Variants in SLC3A2 observed in about 807,000 individuals in gnomAD.
SLC3A2 encodes amino acid transporter heavy chain SLC3A2.
A neutral mutation model predicts 48.5 loss-of-function variants in SLC3A2; 32 were observed. The observed-to-expected ratio is 0.66, with a 90% CI of 0.50 to 0.89. SLC3A2 has a LOEUF of 0.89. SLC3A2 is among the 40% of genes least tolerant of loss of function. The probability of loss-of-function intolerance (pLI) is 0.00; values close to 1 mark genes in which losing one functional copy is unlikely to be tolerated. For synonymous variants in SLC3A2, 277 were observed against 288.8 expected (o/e 0.96, Z 0.41); for missense variants, 587 against 680.7 (o/e 0.86, Z 1.53).
intron 1 of SLC3A2, among the ~76,000 whole-genome samples, chr11:62,867,972 A>G (rs2085471473): frequency 6.6e-6 from 1 of 151,886 alleles, no homozygotes; most frequent in Non-Finnish European, 1.5e-5. Flanking sequence ...CCCAGGCTGG[A>G]GTGCAATAGC....
chr11:62,878,960 A>G (rs1332297044), upstream of SLC3A2, among the ~76,000 whole-genome samples: 1 of 151,448 alleles, frequency 6.6e-6, no homozygotes, highest in African/African-American at 2.4e-5. Flanking sequence ...TTTAGTAGAG[A>G]TGGGGTTTCA....
In SLC3A2 at chr11:62,882,990, C is replaced by G; in HGVS notation, c.681C>G (p.Thr227=). 1 of 1,614,108 alleles carries G rather than the reference C, an allele frequency of 6.2e-7. No individual in the cohort carries two copies. The highest frequency in any genetic ancestry group is 8.5e-7 in the Non-Finnish European group (1 of 1,179,968). The change falls in exon 3 of 9, where the codon ACC becomes ACG. Residue 227 remains threonine (T), a synonymous_variant. Coordinates refer to ENST00000338663, the MANE Select transcript of SLC3A2 (RefSeq NM_001013251.3). The stretch of plus-strand genomic sequence containing the variant: ...CCACTCAGGTTGACACTGTGGCCAC[C>G]AAGGTGAAGGTGAGTGTTGGAGCTG... ...WFSTQVDTVA[T]KVKDALEFWL...
upstream of SLC3A2, chr11:62,876,850 C>A: frequency 1.0e-6 from 1 of 961,176 alleles, no homozygotes; most frequent in Non-Finnish European, 1.3e-6. Flanking sequence ...GATCCGACTG[C>A]CTCGGCCTCC....
intron 7 of SLC3A2, chr11:62,887,854 G>A (rs2085734998): frequency 3.1e-6 from 1 of 320,136 alleles, no homozygotes; most frequent in South Asian, 4.0e-5. Context: ...GTACAGTGGT[G>A]GAGTCATGGC....
chr11:62,862,706 T>C (rs2085414544), intron 1 of SLC3A2, among the ~76,000 whole-genome samples: 1 of 152,200 alleles, frequency 6.6e-6, no homozygotes, highest in Admixed American at 6.5e-5. Flanking sequence ...ATGTTGGGAA[T>C]GCTGTAAATT....
intron 1 of SLC3A2, among the ~76,000 whole-genome samples, chr11:62,867,322 CTTTTTTTT>C (rs56758000): frequency 2.8e-4 from 19 of 67,672 alleles, no homozygotes; most frequent in East Asian, 1.2e-3. Context: ...CTTTTCTTTT[CTTTTTTTT>C]TTTTTTTTTT....
Position 62,885,497 on chromosome 11 carries a change from G to C in SLC3A2, c.1032G>C (p.Leu344Phe). ...LSQARLLTSF[L>F]PAQLLRLYQL... ...AGGCAAGGCTCCTGACTTCCTTCTT[G>C]CCGGCTCAACTTCTCCGACTCTACC... Residue 344 changes from leucine (L) to phenylalanine (F), a missense_variant, in exon 7 of 9, where the codon TTG (leucine) becomes TTC (phenylalanine). Around this residue, in one of 3 missense-constraint regions of SLC3A2, gnomAD observed 409 missense variants for 446.7 expected, o/e 0.92. Transcript: ENST00000338663. The C allele has an allele frequency of 6.2e-7, 1 of 1,614,150 alleles. No individual in the cohort carries two copies. The highest frequency in any genetic ancestry group is 8.5e-7 in the Non-Finnish European group (1 of 1,180,036).
At chr11:62,874,380 T>G (rs1304823404) in intron 1 of SLC3A2, among the ~76,000 whole-genome samples, 2 of 152,176 alleles carry the variant, frequency 1.3e-5, no homozygotes, top group African/African-American at 4.8e-5. Flanking sequence ...GGTGTTTATC[T>G]TTTAGTATTT....
Position 62,863,434 on chromosome 11 carries a change from C to T in SLC3A2, c.112+7053C>T, listed in dbSNP as rs186313351. ...ACAGTGCCTCACTATGGTGCCTAGG[C>T]GGGTCTCCAACTCCTGGGCTCAAGC... On this transcript the variant is annotated intron_variant, in intron 1 of 9. Coordinates refer to the SLC3A2 transcript ENST00000377889. 1.3e-3 allele frequency among the ~76,000 whole-genome samples: 197 copies of T among 152,216 alleles called. 1 individual carries two copies. The highest frequency in any genetic ancestry group is 4.5e-3 in the African/African-American group (188 of 41,534).
intron 1 of SLC3A2, among the ~76,000 whole-genome samples, chr11:62,866,386 T>G (rs922870742): frequency 6.6e-6 from 1 of 150,876 alleles, no homozygotes; most frequent in African/African-American, 2.4e-5. Flanking sequence ...TTAATTGTGG[T>G]AGTTTCTTTG....
intron 1 of SLC3A2, among the ~76,000 whole-genome samples, chr11:62,862,118 A>G (rs1374793779): frequency 6.6e-6 from 1 of 151,490 alleles, no homozygotes; most frequent in African/African-American, 2.4e-5. Context: ...GGAGTTCAAG[A>G]CCAGCCTGGG....
In SLC3A2 at chr11:62,881,174, G is replaced by A. The variant is rs2085631368; in HGVS notation, c.151G>A (p.Glu51Lys). The A allele has an allele frequency of 1.3e-6, 2 of 1,594,690 alleles. No individual in the cohort carries two copies. The highest frequency in any genetic ancestry group is 1.7e-6 in the Non-Finnish European group (2 of 1,172,914). ...GGTGAAGATCAAGGTGGCGGAAGAC[G>A]AGGCGGAGGCGGCAGCCGCGGCTAA... ...GLVKIKVAED[E>K]AEAAAAAKFT... Residue 51 changes from glutamate to lysine, a missense_variant, in exon 1 of 9, where the codon GAG (glutamate) becomes AAG (lysine). Physicochemically the swap from Glu to Lys is moderately conservative, Grantham distance 56. Transcript: ENST00000338663. This position sits in a 1 kb window ranked among gnomAD's most constrained non-coding sequence, Gnocchi z 4.0.
intron 5 of SLC3A2, 90 bp downstream of exon 5, chr11:62,884,780 A>C (rs1323701325): frequency 7.0e-6 from 4 of 571,564 alleles, no homozygotes; most frequent in Admixed American, 3.2e-5. Context: ...TTCCTAGTCT[A>C]GAGCATTTTC....
rs763774614 is a variant in SLC3A2, at chr11:62,883,005, T to C, written c.690+6T>C. The C allele has an allele frequency of 1.9e-6, 3 of 1,613,424 alleles. No individual in the cohort carries two copies. The highest frequency in any genetic ancestry group is 3.3e-5 in the Admixed American group (2 of 59,994). On this transcript the variant is annotated splice_donor_region_variant and intron_variant, in intron 3 of 8. Transcript: ENST00000338663. ...CTGTGGCCACCAAGGTGAAGGTGAG[T>C]GTTGGAGCTGATGGCTGGTGGAAGT...
chr11:62,863,367 G>A (rs567250392), intron 1 of SLC3A2, among the ~76,000 whole-genome samples: 18 of 152,316 alleles, frequency 1.2e-4, no homozygotes, highest in Non-Finnish European at 2.2e-4. Flanking sequence ...CTGTAGGCAT[G>A]TGCCATCACA....
upstream of SLC3A2, chr11:62,880,349 G>T (rs1000243041): frequency 3.9e-5 from 6 of 152,246 alleles, no homozygotes; most frequent in African/African-American, 1.4e-4. Context: ...CTTGAAAAAC[G>T]AGTGGGAGTA....
intron 1 of SLC3A2, among the ~76,000 whole-genome samples, chr11:62,870,561 G>T (rs545199532): frequency 8.6e-5 from 13 of 151,624 alleles, no homozygotes; most frequent in African/African-American, 3.1e-4. Flanking sequence ...GTACCATTTG[G>T]TAAATAGTTC....
chr11:62,882,914 G>T lies in SLC3A2; in HGVS notation c.605G>T (p.Arg202Leu), dbSNP rs1193174410. ...LLQSAKKKSIRVILDLTPNYR... is the reference protein window; with the variant it reads ...LLQSAKKKSILVILDLTPNYR... The stretch of plus-strand genomic sequence containing the variant: ...TCTTCCTCCGTTGTTTTAGGCATCC[G>T]TGTCATTCTGGACCTTACTCCCAAC... The change falls in exon 3 of 9, where the codon CGT (arginine) becomes CTT (leucine). Residue 202 changes from arginine (R) to leucine (L), a missense_variant. This residue lies in a region of SLC3A2 where 409 missense variants were observed against 446.7 expected (regional missense o/e 0.92). Transcript: ENST00000338663. The T allele has an allele frequency of 1.2e-6, 2 of 1,613,900 alleles. No individual in the cohort carries two copies. Among genetic ancestry groups the T allele is most frequent in the African/African-American group, 1.3e-5 (1 of 74,912 alleles).
rs541507991 is a variant in SLC3A2 at position 62,884,813 on chromosome 11, C to CTTTTT, written c.818+154_818+158dup. On this transcript the variant is annotated intron_variant, in intron 5 of 8. Transcript: ENST00000338663. ...TTCTTTACCTTTATTCTTTCTTTAG[C>CTTTTT]TTTTTTTTTTTTTTTTTTTTTTTTT... 8.9e-4 allele frequency: 50 copies of CTTTTT among 56,016 alleles called. 4 individuals are homozygous for CTTTTT. The highest frequency in any genetic ancestry group is 2.6e-3 in the African/African-American group (20 of 7,640). 3.5% of individuals were successfully genotyped at this position (56,016 alleles called of 1,614,324 possible). A position where few individuals can be genotyped will look rare whatever the true frequency, so the allele number is the denominator to read the frequency against.
Sources: allele counts gnomAD v4.1 joint callset (sites outside exome capture counted in the v4.1 genomes callset), GRCh38; gene constraint gnomAD v4.1.1; regional missense constraint gnomAD v4.1.1; non-coding constraint Gnocchi (gnomAD v3.1); transcripts MANE v1.5; gene names NCBI Gene and HGNC (gene_info 2026-07-23, HGNC 2026-07-21).